The following KAT14 variants were observed in gnomAD, a reference collection of about 807,000 sequenced individuals.
The protein encoded by KAT14 is lysine acetyltransferase 14, also known as cysteine-rich protein 2-binding protein.
A neutral mutation model predicts 78.4 loss-of-function variants in KAT14; 66 were observed. That is an observed-to-expected ratio of 0.84 (90% CI 0.69 to 1.03). The LOEUF (loss-of-function observed/expected upper bound fraction) is 1.03, where lower values mean the gene tolerates loss of function less well. Ranked by LOEUF, KAT14 falls within the 50% of genes least tolerant of loss-of-function variation. KAT14 has a pLI of 0.00. For synonymous variants in KAT14, 344 were observed against 359.4 expected (o/e 0.96, Z 0.48); for missense variants, 870 against 972.5 (o/e 0.89, Z 1.40).
chr20:18,148,930 C>A (rs1422652782), intron 3 of KAT14, among the ~76,000 whole-genome samples: 2 of 151,952 alleles, frequency 1.3e-5, no homozygotes, highest in African/African-American at 4.8e-5. Context: ...TCTTTTAGAT[C>A]ATAAATTCCA....
chr20:18,159,460 T>C (rs1568667394), intron 5 of KAT14, among the ~76,000 whole-genome samples, 195 bp downstream of exon 5: 1 of 152,258 alleles, frequency 6.6e-6, no homozygotes, highest in Non-Finnish European at 1.5e-5. Flanking sequence ...CACTTCCTAA[T>C]CAAGCTATCA....
chr20:18,166,118 T>C (rs1165729797), intron 7 of KAT14, among the ~76,000 whole-genome samples: 46 of 152,270 alleles, frequency 3.0e-4, no homozygotes, highest in African/African-American at 1.0e-3. Context: ...ACAAAAGGTA[T>C]CTCAGCAAGG....
rs144434635 is a variant in KAT14, at chr20:18,141,193, T to G, written c.-453-1015T>G. 2.6e-5 allele frequency among the ~76,000 whole-genome samples: 4 copies of G among 151,892 alleles called. No homozygotes were observed. The East Asian group carries it at 7.8e-4, about 29-fold the overall frequency. ...AGCCACCACGCCTGGCCTAAAACCTTTAGAGTATTTTGTGAGCAATAAACT... is the reference window on the plus strand; with the variant it reads ...AGCCACCACGCCTGGCCTAAAACCTGTAGAGTATTTTGTGAGCAATAAACT... On this transcript the variant is annotated intron_variant, in intron 1 of 10. Transcript: ENST00000688188.
At chr20:18,155,069 G>A (rs1168695082) in intron 4 of KAT14, among the ~76,000 whole-genome samples, 1 of 152,108 alleles carries the variant, frequency 6.6e-6, no homozygotes, top group African/African-American at 2.4e-5. Flanking sequence ...ATTTTTCGTA[G>A]GGACAGGGTT....
At chr20:18,145,935 A>T (rs1568663506) in intron 3 of KAT14, among the ~76,000 whole-genome samples, 1 of 152,188 alleles carries the variant, frequency 6.6e-6, no homozygotes. Context: ...CAATAAAACT[A>T]TTTTTTTAAA....
At chr20:18,178,111 A>AAAAAAAAAC (rs143687467) in intron 7 of KAT14, among the ~76,000 whole-genome samples, 24 of 151,170 alleles carry the variant, frequency 1.6e-4, no homozygotes, top group African/African-American at 4.1e-4. Flanking sequence ...CTATCTCAAA[A>AAAAAAAAAC]AAAAAACAAA....
intron 4 of KAT14, among the ~76,000 whole-genome samples, chr20:18,157,977 G>C (rs1051357420): frequency 6.6e-6 from 1 of 151,980 alleles, no homozygotes; most frequent in Non-Finnish European, 1.5e-5. Flanking sequence ...CATTCTTGTT[G>C]CCCGGGCTGG....
chr20:18,158,258 A>G (rs1174738172), intron 4 of KAT14, among the ~76,000 whole-genome samples: 1 of 152,222 alleles, frequency 6.6e-6, no homozygotes, highest in African/African-American at 2.4e-5. Flanking sequence ...TATGCCTACT[A>G]TAGCTGAGCT....
intron 4 of KAT14, among the ~76,000 whole-genome samples, chr20:18,155,107 A>G (rs1274086445): frequency 6.6e-6 from 1 of 151,396 alleles, no homozygotes; most frequent in Non-Finnish European, 1.5e-5. Flanking sequence ...CTGGTCTTGA[A>G]CTCCTGACCT....
rs201858697 is a variant in KAT14 at position 18,143,615 on chromosome 20, A to ATTTTTTTTT, written c.259+699_259+707dup. On this transcript the variant is annotated intron_variant, in intron 2 of 10. Transcript: ENST00000688188. ...TAGTGTTTGCCAGCACACCTGGCTA[A>ATTTTTTTTT]TTTTTTTTTTTATTTTATTTTTTTT... 1.2e-4 allele frequency among the ~76,000 whole-genome samples: 12 copies of ATTTTTTTTT among 104,078 alleles called. 2 individuals carry two copies. Among genetic ancestry groups the ATTTTTTTTT allele is most frequent in the East Asian group, 5.0e-4 (2 of 3,978 alleles). The allele number at this position is 104,078 out of a possible 152,430, so 68.3% of individuals were successfully genotyped here.
intron 7 of KAT14, among the ~76,000 whole-genome samples, chr20:18,176,130 C>T (rs564707566): frequency 7.9e-5 from 12 of 151,974 alleles, no homozygotes; most frequent in South Asian, 6.2e-4. Context: ...AATGAAACCC[C>T]GTCTCTACTA....
chr20:18,184,604 A>G lies in KAT14; in HGVS notation c.1984A>G (p.Ile662Val). The change falls in exon 10 of 11, where the codon ATT becomes GTT. Residue 662 changes from isoleucine to valine, a missense_variant and splice_region_variant. Coordinates refer to ENST00000688188, the MANE Select transcript of KAT14 (RefSeq NM_001392073.1). ...SMCQEFFWPG[I>V]DLSECLQYPD... is the part of the protein sequence containing the mutation. ...CTCCGATGGTTTCTTTTCTTTAGGCATTGACCTGTCTGAGTGTCTGCAGTA... is the reference window on the plus strand; with the variant it reads ...CTCCGATGGTTTCTTTTCTTTAGGCGTTGACCTGTCTGAGTGTCTGCAGTA... The G allele has an allele frequency of 2.5e-6, 4 of 1,604,902 alleles. No homozygotes were observed. Among genetic ancestry groups the G allele is most frequent in the Middle Eastern group, 1.7e-4 (1 of 6,042 alleles).
At chr20:18,153,888 T>G (rs2038135653) in intron 4 of KAT14, among the ~76,000 whole-genome samples, 3 of 152,206 alleles carry the variant, frequency 2.0e-5, no homozygotes, top group Admixed American at 2.0e-4. Flanking sequence ...AAAACAATGC[T>G]GTTAAATTGT....
At chr20:18,148,104 C>T (rs8116338) in intron 3 of KAT14, among the ~76,000 whole-genome samples, 5,171 of 152,230 alleles carry the variant, frequency 0.034, 153 homozygotes, top group African/African-American at 0.077. Flanking sequence ...TGAATGGACT[C>T]CATTGATGTA....
intron 9 of KAT14, chr20:18,183,581 G>A (rs2039345794): frequency 2.1e-6 from 2 of 971,698 alleles, no homozygotes; most frequent in Non-Finnish European, 2.4e-6. Context: ...TTAGATACCA[G>A]GTAATGTCTA....
chr20:18,183,298 G>C lies in KAT14; in HGVS notation c.1981G>C (p.Gly661Arg). ...NSMCQEFFWP[G>R]IDLSECLQYP... is the part of the protein sequence containing the mutation. ...CATGTGTCAGGAGTTTTTTTGGCCT[G>C]GTATGTTCCCCCTCCCAAACCAGGC... is the stretch of plus-strand genomic sequence containing the variant. Residue 661 changes from glycine to arginine, a missense_variant and splice_region_variant, in exon 9 of 11, where the codon GGC (glycine) becomes CGC (arginine). Transcript: ENST00000688188. 6.2e-7 allele frequency: 1 copy of C among 1,611,492 alleles called. No individual in the cohort carries two copies. The highest frequency in any genetic ancestry group is 8.5e-7 in the Non-Finnish European group (1 of 1,178,370).
intron 6 of KAT14, 50 bp downstream of exon 6, chr20:18,162,289 T>G: frequency 1.2e-6 from 2 of 1,610,218 alleles, no homozygotes; most frequent in South Asian, 2.2e-5. Flanking sequence ...GGCCATGGTA[T>G]AAATGTACAA....
chr20:18,143,862 T>G (rs1312165978), intron 2 of KAT14, among the ~76,000 whole-genome samples: 1 of 152,160 alleles, frequency 6.6e-6, no homozygotes, highest in Non-Finnish European at 1.5e-5. Flanking sequence ...ACTCCCAACC[T>G]CAGGTGATCC....
intron 7 of KAT14, among the ~76,000 whole-genome samples, chr20:18,180,335 C>T (rs1467353122): frequency 6.6e-6 from 1 of 152,204 alleles, no homozygotes; most frequent in East Asian, 1.9e-4. Flanking sequence ...CCAACAAATT[C>T]CTCATCTCCA....
Sources: allele counts gnomAD v4.1 joint callset (sites outside exome capture counted in the v4.1 genomes callset), GRCh38; gene constraint gnomAD v4.1.1; transcripts MANE v1.5; gene names NCBI Gene and HGNC (gene_info 2026-07-23, HGNC 2026-07-21).